The following EDARADD variants were observed in gnomAD, a reference collection of about 807,000 sequenced individuals.
EDARADD encodes ectodysplasin-A receptor-associated adapter protein.
Under a neutral mutation model 25.6 loss-of-function variants are expected in EDARADD, and 20 were observed. The ratio of observed to expected loss-of-function variants is 0.78; its 90% confidence interval spans 0.55 to 1.14. The LOEUF is 1.14. Ranked by LOEUF, EDARADD falls within the 50% of genes most tolerant of loss-of-function variation. The pLI, the probability that EDARADD is intolerant of heterozygous loss-of-function variation, is 0.00. For synonymous variants in EDARADD, 86 were observed against 94.4 expected, an observed-to-expected ratio of 0.91 and a Z score of 0.52; for missense variants, 225 against 270.1, an observed-to-expected ratio of 0.83 and a Z score of 1.17.
intron 5 of EDARADD, among the ~76,000 whole-genome samples, chr1:236,481,691 A>G (rs1659676860): frequency 6.7e-6 from 1 of 150,090 alleles, no homozygotes. Context: ...AGGTGGGAGG[A>G]TCGCTTGAGC....
intron 4 of EDARADD, among the ~76,000 whole-genome samples, chr1:236,461,871 A>T (rs1051927516): frequency 2.0e-5 from 3 of 152,180 alleles, no homozygotes; most frequent in African/African-American, 4.8e-5. Context: ...TCAAGACCAA[A>T]CTAAACGTCC....
At chr1:236,429,522 C>T (rs1208536327) in intron 4 of EDARADD, among the ~76,000 whole-genome samples, 8 of 150,420 alleles carry the variant, frequency 5.3e-5, no homozygotes, top group East Asian at 3.9e-4. Context: ...GGACTACAGG[C>T]GCCCGCCACC....
At chr1:236,439,526 T>G (rs576465577) in intron 4 of EDARADD, among the ~76,000 whole-genome samples, 3 of 152,246 alleles carry the variant, frequency 2.0e-5, no homozygotes, top group Non-Finnish European at 4.4e-5. Context: ...ATTGTCAGTG[T>G]TCTGGATTTT....
At chr1:236,373,571 C>A (rs1390151235) in intron 3 of EDARADD, among the ~76,000 whole-genome samples, 6 of 152,156 alleles carry the variant, frequency 3.9e-5, no homozygotes, top group Middle Eastern at 3.2e-3. Flanking sequence ...CTTTTCTAGA[C>A]ACTTATTGAT....
At chr1:236,476,547 T>G in intron 5 of EDARADD, among the ~76,000 whole-genome samples, 1 of 150,614 alleles carries the variant, frequency 6.6e-6, no homozygotes, top group Non-Finnish European at 1.5e-5. Context: ...TTGTTTGAGA[T>G]GGAGTTTTGC....
chr1:236,432,937 AAAAGAAAGAAAG>A (rs577153679), intron 4 of EDARADD, among the ~76,000 whole-genome samples: 1 of 151,326 alleles, frequency 6.6e-6, no homozygotes, highest in Non-Finnish European at 1.5e-5. Flanking sequence ...CAAAAAAAAA[AAAAGAAAGAAAG>A]AAAGAAAGAA....
At chr1:236,464,214 C>T (rs1320474925) in intron 4 of EDARADD, among the ~76,000 whole-genome samples, 1 of 151,820 alleles carries the variant, frequency 6.6e-6, no homozygotes, top group Non-Finnish European at 1.5e-5. Context: ...ATCTTGTCTT[C>T]ACTTGGTGCT....
In EDARADD at chr1:236,405,794, CTT is replaced by C. The variant is rs746877194; in HGVS notation, c.62-3418_62-3417del. Among the ~76,000 whole-genome samples, 346 of 74,060 alleles carry C rather than the reference CTT, an allele frequency of 4.7e-3. 3 individuals are homozygous for C. Among genetic ancestry groups the C allele is most frequent in the African/African-American group, 9.1e-3 (170 of 18,590 alleles). 48.6% of individuals were successfully genotyped at this position (74,060 alleles called of 152,430 possible). A position where few individuals can be genotyped will look rare whatever the true frequency, so the allele number is the denominator to read the frequency against. On this transcript the variant is annotated intron_variant, in intron 1 of 5. Transcript: ENST00000334232. The stretch of plus-strand genomic sequence containing the variant: ...CTTTCTTTCTTTCTTTCTTTCTTTT[CTT>C]TTTCTTTCTTTCTTTCCTTCCTTCC...
intron 4 of EDARADD, among the ~76,000 whole-genome samples, chr1:236,454,133 T>C (rs1213225077): frequency 2.0e-5 from 3 of 151,974 alleles, no homozygotes; most frequent in East Asian, 1.9e-4. Context: ...GCAACCTCCA[T>C]CTCCCGGGTT....
At chr1:236,392,392 T>C (rs10925115), upstream of EDARADD, among the ~76,000 whole-genome samples, 5,080 of 152,204 alleles carry the variant, frequency 0.033, 316 homozygotes, top group African/African-American at 0.11. Context: ...GGTCTGATCA[T>C]AGCTCCCTGA....
intron 3 of EDARADD, among the ~76,000 whole-genome samples, chr1:236,421,669 T>C (rs1657789592): frequency 6.6e-6 from 1 of 151,882 alleles, no homozygotes; most frequent in Admixed American, 6.6e-5. Flanking sequence ...GGCTAAGTTT[T>C]GTATTTTTAG....
At chr1:236,357,630 A>G (rs638901) in intron 3 of EDARADD, among the ~76,000 whole-genome samples, 52,791 of 151,806 alleles carry the variant, frequency 0.35, 9,481 homozygotes, top group African/African-American at 0.44. Flanking sequence ...GGCACTTAAC[A>G]TGAGGAAAGC....
In EDARADD at chr1:236,446,378, C is replaced by T. The variant is rs575029939; in HGVS notation, c.219+18928C>T. ...CAGCCTGACCAACATGGTGAAACCC[C>T]GTCTCTACTAAAAATAAAAAAAATT... is the stretch of plus-strand genomic sequence containing the variant. On this transcript the variant is annotated intron_variant, in intron 4 of 5. Transcript: ENST00000334232. Among the ~76,000 whole-genome samples, 7 of 152,138 alleles carry T rather than the reference C, an allele frequency of 4.6e-5. No homozygotes were observed. The South Asian group carries it at 1.2e-3, about 27-fold the overall frequency.
At chr1:236,389,119 T>C (rs1572121463) in intron 3 of EDARADD, among the ~76,000 whole-genome samples, 1 of 152,212 alleles carries the variant, frequency 6.6e-6, no homozygotes, top group African/African-American at 2.4e-5. Flanking sequence ...TAAATTGCTA[T>C]GTATGAAGGC....
At chr1:236,454,947 C>T (rs934152991) in intron 4 of EDARADD, among the ~76,000 whole-genome samples, 2 of 152,208 alleles carry the variant, frequency 1.3e-5, no homozygotes, top group Non-Finnish European at 2.9e-5. Context: ...TGTGGTGGCT[C>T]ACGCCTGTAA....
chr1:236,424,087 C>G (rs1657848325), intron 3 of EDARADD, among the ~76,000 whole-genome samples: 1 of 148,426 alleles, frequency 6.7e-6, no homozygotes, highest in African/African-American at 2.5e-5. Context: ...GCCTGGGTGA[C>G]AGAACAAGAC....
rs1035522945 is a variant in EDARADD at position 236,483,608 on chromosome 1, G to A, written c.*959G>A. 4.9e-5 allele frequency: 74 copies of A among 1,521,160 alleles called. No homozygotes were observed. Among genetic ancestry groups the A allele is most frequent in the South Asian group, 7.8e-5 (7 of 89,202 alleles). 94.2% of individuals were successfully genotyped at this position (1,521,160 alleles called of 1,614,324 possible). On this transcript the variant is annotated 3_prime_UTR_variant, in exon 6 of 6. Coordinates refer to ENST00000334232, the MANE Select transcript of EDARADD (RefSeq NM_145861.4). ...ACTCCAAAGTCATCTTGCCAGTCCC[G>A]GTGTTCAATGTCATCAATGGCAGTT...
At chr1:236,422,432 G>A (rs527956185) in intron 3 of EDARADD, among the ~76,000 whole-genome samples, 24 of 152,304 alleles carry the variant, frequency 1.6e-4, no homozygotes, top group African/African-American at 5.5e-4. Flanking sequence ...ACCACAAAGG[G>A]TGCAACTCTT....
intron 3 of EDARADD, among the ~76,000 whole-genome samples, chr1:236,370,920 A>C (rs1425141782): frequency 6.6e-6 from 1 of 152,192 alleles, no homozygotes; most frequent in Non-Finnish European, 1.5e-5. Flanking sequence ...AGTTTCTTTC[A>C]AAGTTAGTTC....
Sources: allele counts gnomAD v4.1 joint callset (sites outside exome capture counted in the v4.1 genomes callset), GRCh38; gene constraint gnomAD v4.1.1; transcripts MANE v1.5; gene names NCBI Gene and HGNC (gene_info 2026-07-23, HGNC 2026-07-21).